Variants in ACOXL observed in about 807,000 individuals in gnomAD.
The protein encoded by ACOXL is acyl-coenzyme A oxidase-like protein.
Under a neutral mutation model 71.9 loss-of-function variants are expected in ACOXL, and 70 were observed. The observed-to-expected ratio is 0.97, with a 90% confidence interval of 0.80 to 1.19. ACOXL has a LOEUF of 1.19. Among genes scored for constraint, ACOXL ranks in the 50% most tolerant of loss-of-function variants. The pLI, the probability that ACOXL is intolerant of heterozygous loss-of-function variation, is 0.00. For missense variants in ACOXL, 703 were observed against 736.3 expected (o/e 0.95, Z 0.52); for synonymous variants, 253 against 281.6 (o/e 0.90, Z 1.02).
chr2:110,806,353 G>A (rs1264102497), intron 9 of ACOXL, among the ~76,000 whole-genome samples: 1 of 152,232 alleles, frequency 6.6e-6, no homozygotes, highest in East Asian at 1.9e-4. Flanking sequence ...CTTTCAGTGG[G>A]GCCGGGTGGG....
chr2:111,050,369 C>G (rs2066233529), intron 16 of ACOXL, among the ~76,000 whole-genome samples: 1 of 152,146 alleles, frequency 6.6e-6, no homozygotes, highest in South Asian at 2.1e-4. Context: ...TCCTGGGCGT[C>G]TGATACACTG....
chr2:110,907,249 C>T, intron 10 of ACOXL, among the ~76,000 whole-genome samples: 1 of 152,132 alleles, frequency 6.6e-6, no homozygotes, highest in East Asian at 1.9e-4. Flanking sequence ...GGACCTTTCT[C>T]TTTTCTTTTT....
intron 17 of ACOXL, among the ~76,000 whole-genome samples, chr2:111,106,932 A>G (rs1450265873): frequency 6.6e-6 from 1 of 152,182 alleles, no homozygotes; most frequent in African/African-American, 2.4e-5. Flanking sequence ...TGTTACCGCC[A>G]TGTGATGACT....
chr2:110,799,161 A>G (rs1685638885), intron 7 of ACOXL, 61 bp downstream of exon 7: 1 of 1,505,886 alleles, frequency 6.6e-7, no homozygotes, highest in African/African-American at 1.4e-5. Flanking sequence ...CACCTGACTC[A>G]AGGAGAATCT....
intron 10 of ACOXL, among the ~76,000 whole-genome samples, chr2:110,862,878 C>G (rs1694119038): frequency 6.6e-6 from 1 of 152,210 alleles, no homozygotes; most frequent in African/African-American, 2.4e-5. Context: ...TCCAGCGGCA[C>G]CCGGGGCCCT....
At chr2:110,980,763 C>T (rs2062671899) in intron 12 of ACOXL, among the ~76,000 whole-genome samples, 1 of 152,196 alleles carries the variant, frequency 6.6e-6, no homozygotes, top group Non-Finnish European at 1.5e-5. Flanking sequence ...TGCCGTACAC[C>T]CTGGCCGCCC....
At chr2:111,061,162 A>G (rs935881267) in intron 16 of ACOXL, among the ~76,000 whole-genome samples, 10 of 152,356 alleles carry the variant, frequency 6.6e-5, no homozygotes, top group East Asian at 3.9e-4. Flanking sequence ...AAACCTACGG[A>G]TTCAAGAAGT....
At chr2:110,782,305 C>T (rs72832813) in intron 2 of ACOXL, among the ~76,000 whole-genome samples, 5,580 of 151,946 alleles carry the variant, frequency 0.037, 135 homozygotes, top group African/African-American at 0.055. Context: ...TGAAACTTGT[C>T]AATATTAGAC....
chr2:111,054,454 C>T (rs570067657), intron 16 of ACOXL, among the ~76,000 whole-genome samples: 15 of 152,276 alleles, frequency 9.9e-5, no homozygotes, highest in Non-Finnish European at 1.6e-4. Context: ...CCATCAGGGT[C>T]GGTGGGTACA....
intron 12 of ACOXL, among the ~76,000 whole-genome samples, chr2:110,935,110 G>T (rs1378030119): frequency 6.6e-6 from 1 of 152,106 alleles, no homozygotes; most frequent in African/African-American, 2.4e-5. Flanking sequence ...CAGCAGGTGG[G>T]GGGTATGACC....
intron 12 of ACOXL, among the ~76,000 whole-genome samples, chr2:110,941,376 G>GT (rs1322902165): frequency 6.6e-6 from 1 of 152,188 alleles, no homozygotes; most frequent in Admixed American, 6.5e-5. Flanking sequence ...ATGCTAAACA[G>GT]TTTGCAAGAC....
At chr2:110,797,818 A>C (rs1685458151) in intron 5 of ACOXL, among the ~76,000 whole-genome samples, 1 of 152,178 alleles carries the variant, frequency 6.6e-6, no homozygotes, top group Non-Finnish European at 1.5e-5. Context: ...GGGCATGGAG[A>C]GCTGAGCATA....
intron 1 of ACOXL, among the ~76,000 whole-genome samples, chr2:110,761,934 C>T (rs1024577241): frequency 5.9e-5 from 9 of 152,166 alleles, no homozygotes; most frequent in African/African-American, 1.9e-4. Context: ...GTCTGTTTAA[C>T]CTATTGCATG....
intron 2 of ACOXL, among the ~76,000 whole-genome samples, chr2:110,776,251 C>T (rs1366258122): frequency 6.6e-6 from 1 of 151,948 alleles, no homozygotes; most frequent in East Asian, 1.9e-4. Flanking sequence ...ATGGTGGTTT[C>T]CTGGGTCTGG....
At chr2:111,014,954 A>G (rs1239631964) in intron 14 of ACOXL, among the ~76,000 whole-genome samples, 1 of 152,224 alleles carries the variant, frequency 6.6e-6, no homozygotes, top group Non-Finnish European at 1.5e-5. Context: ...TGCATAATAC[A>G]CAAAGGTTAA....
Position 110,894,797 on chromosome 2 carries a change from A to G in ACOXL, c.789-13992A>G, listed in dbSNP as rs950294811. Among the ~76,000 whole-genome samples the G allele has an allele frequency of 3.9e-5, 6 of 152,264 alleles. No homozygotes were observed. In the South Asian group the frequency reaches 8.3e-4, roughly 21 times the overall value. Reference sequence around the variant, plus strand: ...ACCCACTGCTGTGCCAGTAAAGACTATATGGGGAGCCAGAACTCCTGCCCC... The same window carrying G: ...ACCCACTGCTGTGCCAGTAAAGACTGTATGGGGAGCCAGAACTCCTGCCCC... On this transcript the variant is annotated intron_variant, in intron 10 of 17. Coordinates refer to ENST00000439055, the MANE Select transcript of ACOXL (RefSeq NM_001142807.4).
intron 16 of ACOXL, among the ~76,000 whole-genome samples, chr2:111,078,807 T>C (rs1230553423): frequency 6.6e-6 from 1 of 152,242 alleles, no homozygotes; most frequent in Non-Finnish European, 1.5e-5. Flanking sequence ...TATTATGTTA[T>C]GAGATTCTGG....
At chr2:111,087,934 C>G (rs186939540) in intron 16 of ACOXL, among the ~76,000 whole-genome samples, 1 of 152,082 alleles carries the variant, frequency 6.6e-6, no homozygotes, top group Non-Finnish European at 1.5e-5. Context: ...CTCTAAGGAA[C>G]TTAAATTTAT....
chr2:110,958,629 G>A (rs1010561279), intron 12 of ACOXL, among the ~76,000 whole-genome samples: 11 of 152,244 alleles, frequency 7.2e-5, no homozygotes, highest in Non-Finnish European at 1.6e-4. Flanking sequence ...TGAGAGAAAT[G>A]AAACCAAATC....
Sources: gnomAD v4.1 joint callset for allele counts (sites outside exome capture counted in the v4.1 genomes callset) on GRCh38, gnomAD v4.1.1 for gene constraint, MANE v1.5 for transcripts, NCBI Gene and HGNC (gene_info 2026-07-23, HGNC 2026-07-21) for gene names.